Variants in AGAP5 observed in about 807,000 individuals in gnomAD.
The protein encoded by AGAP5 is ArfGAP with GTPase domain, ankyrin repeat and PH domain 5, also known as arf-GAP with GTPase, ANK repeat and PH domain-containing protein 5.
In AGAP5, 8 loss-of-function variants were observed where a neutral mutation model predicts 27.7. The observed-to-expected ratio is 0.29, with a 90% CI of 0.17 to 0.52. AGAP5 has a LOEUF of 0.52. Ranked by LOEUF, AGAP5 falls within the 20% of genes least tolerant of loss-of-function variation. The pLI is 0.97. For missense variants in AGAP5, 285 were observed against 880.8 expected, an observed-to-expected ratio of 0.32 and a Z score of 8.56; for synonymous variants, 111 against 338.0, an observed-to-expected ratio of 0.33 and a Z score of 7.37.
intron 4 of AGAP5, among the ~76,000 whole-genome samples, chr10:73,689,716 C>T (rs1406742716): frequency 2.0e-5 from 3 of 151,458 alleles, no homozygotes; most frequent in Non-Finnish European, 2.9e-5. Flanking sequence ...GCCTGGCAAC[C>T]GCCCCGTCTG....
intron 2 of AGAP5, among the ~76,000 whole-genome samples, chr10:73,695,053 C>A (rs2082149819): frequency 1.4e-5 from 2 of 147,436 alleles, no homozygotes; most frequent in African/African-American, 2.5e-5. Flanking sequence ...GCACGAGTAA[C>A]ACAATGACAC....
chr10:73,689,788 C>T (rs1481378593), intron 4 of AGAP5, among the ~76,000 whole-genome samples: 1 of 151,866 alleles, frequency 6.6e-6, no homozygotes, highest in Non-Finnish European at 1.5e-5. Flanking sequence ...GCCCCTCCGC[C>T]CGGCAGCCAC....
chr10:73,694,512 T>A (rs1325020429), intron 3 of AGAP5, among the ~76,000 whole-genome samples: 1 of 152,168 alleles, frequency 6.6e-6, no homozygotes, highest in Non-Finnish European at 1.5e-5. Flanking sequence ...ACAAATTAAT[T>A]GTGTTGATAA....
intron 4 of AGAP5, among the ~76,000 whole-genome samples, chr10:73,688,525 C>T (rs554430691): frequency 3.3e-5 from 5 of 151,286 alleles, no homozygotes; most frequent in African/African-American, 9.7e-5. Flanking sequence ...AAAAAAAAAC[C>T]TTAAAACACT....
At chr10:73,683,453 A>AATTTATTT (rs757360299) in intron 4 of AGAP5, among the ~76,000 whole-genome samples, 2 of 121,094 alleles carry the variant, frequency 1.7e-5, no homozygotes, top group African/African-American at 3.1e-5. Context: ...TTAATTAATT[A>AATTTATTT]ATTTATTTAT....
rs577613716 is a variant in AGAP5, at chr10:73,676,366, G to T, written c.586-292C>A. Among the ~76,000 whole-genome samples the T allele has an allele frequency of 7.3e-5, 10 of 136,314 alleles. No homozygotes were observed. In the East Asian group the frequency reaches 2.0e-3, roughly 27 times the overall value. 89.4% of individuals were successfully genotyped at this position (136,314 alleles called of 152,430 possible). A position where few individuals can be genotyped will look rare whatever the true frequency, so the allele number is the denominator to read the frequency against. On this transcript the variant is annotated intron_variant, in intron 7 of 7. Coordinates refer to ENST00000374094, the MANE Select transcript of AGAP5 (RefSeq NM_001144000.4). ...ATGGTGTCACATGCCTGTAATTCCA[G>T]TTACTCGGGAGGCTGAGGCAGGAGA...
At chr10:73,689,762 G>A (rs1323515436) in intron 4 of AGAP5, among the ~76,000 whole-genome samples, 3 of 150,184 alleles carry the variant, frequency 2.0e-5, no homozygotes, top group Admixed American at 6.6e-5. Context: ...CAGCGCCCCC[G>A]TCTGAGAAGT....
At chr10:73,689,121 C>T (rs1201421707) in intron 4 of AGAP5, among the ~76,000 whole-genome samples, 3 of 151,160 alleles carry the variant, frequency 2.0e-5, no homozygotes, top group African/African-American at 2.5e-5. Flanking sequence ...CGAGTGCCTG[C>T]GATTGCAGGC....
intron 6 of AGAP5, among the ~76,000 whole-genome samples, chr10:73,677,764 C>A (rs1295658330): frequency 1.3e-5 from 2 of 151,980 alleles, no homozygotes; most frequent in Non-Finnish European, 2.9e-5. Flanking sequence ...AATACAAAGT[C>A]ATTGCCTGCT....
chr10:73,690,716 C>T (rs1210726991), intron 4 of AGAP5, among the ~76,000 whole-genome samples: 1 of 152,006 alleles, frequency 6.6e-6, no homozygotes, highest in African/African-American at 2.4e-5. Context: ...TTTAACATCT[C>T]CACCCAGGAA....
At position 73,697,534 on chromosome 10, in the gene AGAP5, T is replaced by C. The variant is rs1248456711; in HGVS notation, c.222A>G (p.Glu74=). 1 of 1,612,746 alleles carries C rather than the reference T, an allele frequency of 6.2e-7. No homozygotes were observed. The highest frequency in any genetic ancestry group is 2.2e-5 in the East Asian group (1 of 44,844). Reference sequence around the variant, plus strand: ...AGATGGCACCTATCACCTCCTTACCTTCAGGCATCTCCTGGTCACGAATGT... The same window carrying C: ...AGATGGCACCTATCACCTCCTTACCCTCAGGCATCTCCTGGTCACGAATGT... ...MHHIRDQEMP[E]ALEFSLSANP... is the part of the protein sequence containing the mutation. The change falls in exon 1 of 8, where the codon GAA becomes GAG. Residue 74 remains glutamate (E), a splice_region_variant and synonymous_variant. Coordinates refer to ENST00000374094, the MANE Select transcript of AGAP5 (RefSeq NM_001144000.4).
intron 4 of AGAP5, among the ~76,000 whole-genome samples, chr10:73,690,878 G>A (rs1428120128): frequency 6.6e-6 from 1 of 152,152 alleles, no homozygotes; most frequent in African/African-American, 2.4e-5. Context: ...CATATCTAGG[G>A]AAACCCACGC....
intron 2 of AGAP5, among the ~76,000 whole-genome samples, chr10:73,696,631 A>C (rs2082164195): frequency 1.3e-5 from 2 of 152,178 alleles, no homozygotes; most frequent in African/African-American, 2.4e-5. Context: ...AACTCCTTTG[A>C]GAAACCCCAA....
intron 4 of AGAP5, among the ~76,000 whole-genome samples, chr10:73,689,498 G>C (rs1589474325): frequency 6.6e-6 from 1 of 150,516 alleles, no homozygotes; most frequent in East Asian, 2.0e-4. Context: ...AGTCTGGAAA[G>C]TGAGGAGCGT....
At chr10:73,692,397 G>A (rs912268877) in intron 3 of AGAP5, among the ~76,000 whole-genome samples, 1 of 152,018 alleles carries the variant, frequency 6.6e-6, no homozygotes, top group African/African-American at 2.4e-5. Flanking sequence ...GCATATATGA[G>A]CCATGATCCA....
chr10:73,678,152 G>T (rs2081995472), intron 6 of AGAP5, among the ~76,000 whole-genome samples: 1 of 152,058 alleles, frequency 6.6e-6, no homozygotes, highest in Admixed American at 6.6e-5. Context: ...CACTTTGAGA[G>T]GCCAAAGCAG....
At chr10:73,691,418 A>G (rs189035212) in intron 4 of AGAP5, among the ~76,000 whole-genome samples, 277 of 152,274 alleles carry the variant, frequency 1.8e-3, no homozygotes, top group African/African-American at 6.2e-3. Context: ...GAAAGTCAAT[A>G]GACAGTGCTG....
chr10:73,694,042 C>T (rs779269716), intron 3 of AGAP5, among the ~76,000 whole-genome samples: 71 of 152,302 alleles, frequency 4.7e-4, no homozygotes, highest in South Asian at 1.2e-3. Context: ...TGCTGCATTA[C>T]TTCGCATATT....
chr10:73,683,351 T>A (rs2132446761), intron 4 of AGAP5, among the ~76,000 whole-genome samples: 4 of 28,804 alleles, frequency 1.4e-4, no homozygotes, highest in Non-Finnish European at 1.8e-4. Context: ...AGACTCCGTC[T>A]CAAAAAAAAA....
Sources: allele counts gnomAD v4.1 joint callset (sites outside exome capture counted in the v4.1 genomes callset), GRCh38; gene constraint gnomAD v4.1.1; transcripts MANE v1.5; gene names NCBI Gene and HGNC (gene_info 2026-07-23, HGNC 2026-07-21).